NOS1AP: variants seen among roughly 807,000 people sequenced by gnomAD.
NOS1AP encodes the protein carboxyl-terminal PDZ ligand of neuronal nitric oxide synthase protein.
A neutral mutation model predicts 56.2 loss-of-function variants in NOS1AP; 21 were observed. The observed-to-expected ratio is 0.37, with a 90% CI of 0.26 to 0.54. The LOEUF is 0.54. Among genes scored for constraint, NOS1AP ranks in the 20% least tolerant of loss-of-function variants. NOS1AP has a pLI of 0.84. For synonymous variants in NOS1AP, 270 were observed against 274.6 expected, an observed-to-expected ratio of 0.98 and a Z score of 0.17; for missense variants, 522 against 657.8, an observed-to-expected ratio of 0.79 and a Z score of 2.26.
intron 2 of NOS1AP, among the ~76,000 whole-genome samples, chr1:162,286,684 G>A (rs569045620): frequency 5.9e-5 from 9 of 152,070 alleles, no homozygotes; most frequent in African/African-American, 2.2e-4. Flanking sequence ...CAAAACACAG[G>A]GGTTGTCACT....
intron 1 of NOS1AP, among the ~76,000 whole-genome samples, chr1:162,105,035 T>G (rs1218520337): frequency 6.6e-6 from 1 of 152,246 alleles, no homozygotes; most frequent in Non-Finnish European, 1.5e-5. Flanking sequence ...CTCATCTTTA[T>G]GGGCCTATCT....
intron 1 of NOS1AP, among the ~76,000 whole-genome samples, chr1:162,081,912 A>AT (rs985653124): frequency 1.3e-5 from 2 of 150,340 alleles, no homozygotes; most frequent in African/African-American, 2.4e-5. Context: ...CCCCACTTCT[A>AT]TTTTTTTCCT....
intron 4 of NOS1AP, among the ~76,000 whole-genome samples, chr1:162,322,396 C>T (rs1035842662): frequency 4.6e-5 from 7 of 152,100 alleles, no homozygotes; most frequent in South Asian, 2.1e-4. Context: ...ATGCTCCCAC[C>T]CCTGGGAAGC....
At chr1:162,309,510 A>G (rs533624331) in intron 4 of NOS1AP, among the ~76,000 whole-genome samples, 32 of 152,356 alleles carry the variant, frequency 2.1e-4, no homozygotes, top group African/African-American at 7.7e-4. Flanking sequence ...CTCCTTAAAT[A>G]CCTTTTTATT....
intron 1 of NOS1AP, among the ~76,000 whole-genome samples, chr1:162,119,765 G>A (rs1234010215): frequency 8.5e-5 from 13 of 152,170 alleles, no homozygotes; most frequent in Non-Finnish European, 1.5e-5. Context: ...TTGTCTTTGT[G>A]AGGTATTGAA....
chr1:162,131,253 CAAAT>C (rs1648735541), intron 1 of NOS1AP, among the ~76,000 whole-genome samples: 2 of 151,934 alleles, frequency 1.3e-5, no homozygotes. Context: ...ATATAATAAG[CAAAT>C]AACTGTATTA....
At chr1:162,234,504 T>C (rs370374600) in intron 2 of NOS1AP, among the ~76,000 whole-genome samples, 1 of 152,178 alleles carries the variant, frequency 6.6e-6, no homozygotes, top group Non-Finnish European at 1.5e-5. Flanking sequence ...GCAAGATCAT[T>C]GTGGCAGCTC....
intron 8 of NOS1AP, among the ~76,000 whole-genome samples, chr1:162,359,825 C>T (rs1238397405): frequency 6.6e-6 from 1 of 152,136 alleles, no homozygotes; most frequent in Non-Finnish European, 1.5e-5. Flanking sequence ...TATTAAACTA[C>T]CAGCAGTCCC....
intron 1 of NOS1AP, among the ~76,000 whole-genome samples, chr1:162,152,570 A>C (rs984753647): frequency 4.6e-5 from 7 of 152,236 alleles, no homozygotes; most frequent in African/African-American, 1.7e-4. Context: ...TGGCCACGCT[A>C]TCAGATCTAA....
intron 2 of NOS1AP, among the ~76,000 whole-genome samples, chr1:162,278,466 G>A (rs1333473098): frequency 6.6e-6 from 1 of 152,206 alleles, no homozygotes; most frequent in East Asian, 1.9e-4. Context: ...AGTGTGGGAT[G>A]TGTGTGGCAG....
At chr1:162,221,023 C>A (rs1214922443) in intron 2 of NOS1AP, among the ~76,000 whole-genome samples, 4 of 152,152 alleles carry the variant, frequency 2.6e-5, no homozygotes, top group Non-Finnish European at 5.9e-5. Context: ...CTCACTGCAA[C>A]CTCCACCTCT....
chr1:162,226,168 C>T (rs7539084), intron 2 of NOS1AP, among the ~76,000 whole-genome samples: 62,588 of 151,874 alleles, frequency 0.41, 15,848 homozygotes, highest in Non-Finnish European at 0.57. Flanking sequence ...TGGTGCATGC[C>T]TGTAATCCCA....
chr1:162,082,327 G>A (rs2102015887), intron 1 of NOS1AP, among the ~76,000 whole-genome samples: 1 of 152,046 alleles, frequency 6.6e-6, no homozygotes, highest in East Asian at 1.9e-4. Context: ...ACATTACCTA[G>A]TCTATCTATC....
At chr1:162,213,904 G>T (rs1571133170) in intron 2 of NOS1AP, among the ~76,000 whole-genome samples, 1 of 152,202 alleles carries the variant, frequency 6.6e-6, no homozygotes, top group South Asian at 2.1e-4. Flanking sequence ...AACCTCATCC[G>T]CTAGAAGTAA....
At chr1:162,310,889 A>T (rs187015637) in intron 4 of NOS1AP, among the ~76,000 whole-genome samples, 2 of 150,116 alleles carry the variant, frequency 1.3e-5, no homozygotes, top group Admixed American at 6.6e-5. Flanking sequence ...CTGTTCGCTG[A>T]CTCTCTCTCT....
chr1:162,291,836 C>T lies in NOS1AP; in HGVS notation c.270+4400C>T, dbSNP rs138383823. 5.9e-3 allele frequency among the ~76,000 whole-genome samples: 897 copies of T among 152,256 alleles called. 4 individuals carry two copies. The highest frequency in any genetic ancestry group is 0.01 in the Non-Finnish European group (699 of 68,000). On this transcript the variant is annotated intron_variant, in intron 3 of 9. Coordinates refer to ENST00000361897, the MANE Select transcript of NOS1AP (RefSeq NM_014697.3). ...CTCAACCAGTACATTTTCTTCAACT[C>T]GCATCTAGGCTCAAGTAATTATCTT...
chr1:162,334,498 C>T (rs1218949662), intron 5 of NOS1AP, among the ~76,000 whole-genome samples: 1 of 152,108 alleles, frequency 6.6e-6, no homozygotes, highest in Non-Finnish European at 1.5e-5. Flanking sequence ...GTGAAAGGCT[C>T]GTATGTGGCC....
chr1:162,078,409 C>T (rs1210640812), intron 1 of NOS1AP, among the ~76,000 whole-genome samples: 2 of 152,162 alleles, frequency 1.3e-5, no homozygotes, highest in Non-Finnish European at 2.9e-5. Context: ...CTCAAATTTG[C>T]TGTTTACTGG....
chr1:162,358,436 G>C (rs189471751), intron 8 of NOS1AP, among the ~76,000 whole-genome samples: 1 of 152,292 alleles, frequency 6.6e-6, no homozygotes, highest in Admixed American at 6.5e-5. Flanking sequence ...CAAGTTATCG[G>C]AGTCTTTTTA....
Sources: allele counts gnomAD v4.1 joint callset (sites outside exome capture counted in the v4.1 genomes callset), GRCh38; gene constraint gnomAD v4.1.1; transcripts MANE v1.5; gene names NCBI Gene and HGNC (gene_info 2026-07-23, HGNC 2026-07-21).